Variants in GFRA2 observed in about 807,000 individuals in gnomAD.
GFRA2 encodes GDNF family receptor alpha-2.
A neutral mutation model predicts 48.3 loss-of-function variants in GFRA2; 17 were observed. The ratio of observed to expected loss-of-function variants is 0.35; its 90% CI spans 0.24 to 0.53. The LOEUF (loss-of-function observed/expected upper bound fraction) is 0.53, where lower values mean the gene tolerates loss of function less well. GFRA2 is among the 20% of genes least tolerant of loss of function. GFRA2 has a pLI of 0.93. For missense variants in GFRA2, 660 were observed against 637.3 expected, an observed-to-expected ratio of 1.04 and a Z score of -0.38; for synonymous variants, 305 against 257.2, an observed-to-expected ratio of 1.19 and a Z score of -1.78.
At chr8:21,796,971 C>T (rs1807688120) in intron 2 of GFRA2, among the ~76,000 whole-genome samples, 1 of 152,168 alleles carries the variant, frequency 6.6e-6, no homozygotes, top group South Asian at 2.1e-4. Context: ...ATCAGTATCT[C>T]TCACATGGGA....
At chr8:21,708,383 G>T (rs1313815561) in intron 4 of GFRA2, among the ~76,000 whole-genome samples, 1 of 152,190 alleles carries the variant, frequency 6.6e-6, no homozygotes, top group Non-Finnish European at 1.5e-5. Flanking sequence ...CTATGAGAGG[G>T]GAAGGTGGGA....
At chr8:21,761,647 T>C (rs1255139430) in intron 3 of GFRA2, among the ~76,000 whole-genome samples, 1 of 152,196 alleles carries the variant, frequency 6.6e-6, no homozygotes, top group African/African-American at 2.4e-5. Flanking sequence ...CAATAAATGC[T>C]TGTTTAAAAA....
chr8:21,805,505 T>C (rs1325776765), intron 1 of GFRA2, among the ~76,000 whole-genome samples: 2 of 152,196 alleles, frequency 1.3e-5, no homozygotes, highest in East Asian at 3.8e-4. Flanking sequence ...GGTAGAGTCA[T>C]GCAGAATAAG....
At chr8:21,808,616 G>A (rs1030284644) in intron 1 of GFRA2, among the ~76,000 whole-genome samples, 6 of 152,246 alleles carry the variant, frequency 3.9e-5, no homozygotes, top group Admixed American at 1.3e-4. Context: ...GGGATGCTCA[G>A]GGAGGTTTGG....
chr8:21,743,830 A>G (rs1051362051), intron 4 of GFRA2, among the ~76,000 whole-genome samples: 1 of 152,182 alleles, frequency 6.6e-6, no homozygotes. Flanking sequence ...TAGGGAGCCA[A>G]TCCAAGTTGG....
At chr8:21,769,740 T>C (rs34010508) in intron 3 of GFRA2, among the ~76,000 whole-genome samples, 81,593 of 151,726 alleles carry the variant, frequency 0.54, 25,654 homozygotes, top group African/African-American at 0.87. Context: ...ATGCCCTCAA[T>C]ACGTGGCAGT....
intron 4 of GFRA2, among the ~76,000 whole-genome samples, chr8:21,711,378 G>A (rs374936666): frequency 2.6e-5 from 4 of 152,298 alleles, no homozygotes; most frequent in African/African-American, 4.8e-5. Flanking sequence ...AAATGAAGAG[G>A]AGCCAAGTCC....
chr8:21,731,384 G>C (rs1804184541), intron 4 of GFRA2, among the ~76,000 whole-genome samples: 1 of 152,144 alleles, frequency 6.6e-6, no homozygotes, highest in Non-Finnish European at 1.5e-5. Flanking sequence ...GAGGAATCTT[G>C]GGAGGTCCAT....
intron 3 of GFRA2, among the ~76,000 whole-genome samples, chr8:21,771,850 G>A (rs1021024053): frequency 7.9e-5 from 12 of 152,144 alleles, no homozygotes; most frequent in African/African-American, 2.4e-4. Flanking sequence ...GAAGTGAAGG[G>A]GGCAGCACGC....
chr8:21,695,381 G>A (rs1044726033), intron 7 of GFRA2, among the ~76,000 whole-genome samples: 23 of 152,130 alleles, frequency 1.5e-4, no homozygotes, highest in African/African-American at 5.6e-4. Context: ...AAAAGCAACT[G>A]GGAAGCCCAA....
At position 21,692,671 on chromosome 8, in the gene GFRA2, T is replaced by C. The variant is rs1434055388; in HGVS notation, c.*607A>G. ...TACAGTCAGGGGGAGCCCAGCACGG[T>C]GCGAACCCCCTCCACCGCCATCCGT... On this transcript the variant is annotated 3_prime_UTR_variant, in exon 9 of 9. Transcript: ENST00000524240. The C allele has an allele frequency of 2.0e-5, 3 of 152,250 alleles. No individual in the cohort carries two copies. Among genetic ancestry groups the C allele is most frequent in the Non-Finnish European group, 4.4e-5 (3 of 68,164 alleles). The allele number at this position is 152,250 out of a possible 1,614,324, so 9.4% of individuals were successfully genotyped here.
At chr8:21,769,116 T>A in intron 3 of GFRA2, 4 of 945,684 alleles carry the variant, frequency 4.2e-6, no homozygotes, top group Non-Finnish European at 5.0e-6. Context: ...AATGAGTATC[T>A]ACCTGTTGCA....
At chr8:21,699,620 T>A (rs181605830) in intron 7 of GFRA2, among the ~76,000 whole-genome samples, 1 of 152,104 alleles carries the variant, frequency 6.6e-6, no homozygotes, top group Non-Finnish European at 1.5e-5. Context: ...ACTGCCCTGG[T>A]CCAGGCCCCA....
intron 2 of GFRA2, among the ~76,000 whole-genome samples, chr8:21,777,319 G>A (rs1490784395): frequency 2.0e-5 from 3 of 152,106 alleles, no homozygotes; most frequent in Non-Finnish European, 2.9e-5. Context: ...TGGTGCCCCG[G>A]GGTGGTGTGG....
intron 2 of GFRA2, among the ~76,000 whole-genome samples, chr8:21,775,581 C>G (rs1806651394): frequency 1.3e-5 from 2 of 152,164 alleles, no homozygotes; most frequent in Non-Finnish European, 2.9e-5. Flanking sequence ...CCACCAGCAC[C>G]CTTTCCCATC....
chr8:21,750,902 A>T lies in GFRA2; in HGVS notation c.480T>A (p.His160Gln). Residue 160 changes from histidine (H) to glutamine (Q), a missense_variant, in exon 4 of 9, where the codon CAT (histidine) becomes CAA (glutamine). His to Gln is a conservative substitution (Grantham distance 24). Coordinates refer to ENST00000524240, the MANE Select transcript of GFRA2 (RefSeq NM_001495.5). This position sits in a 1 kb window ranked among gnomAD's most constrained non-coding sequence, Gnocchi z 5.7. ...ADPVVSAKSN[H>Q]CLDAAKACNL... is the part of the protein sequence containing the mutation. ...TGCAGGCCTTGGCAGCATCCAGGCA[A>T]TGGTTGCTCTTGGCGCTGACCACCG... 6.2e-7 allele frequency: 1 copy of T among 1,613,310 alleles called. No homozygotes were observed. The highest frequency in any genetic ancestry group is 8.5e-7 in the Non-Finnish European group (1 of 1,179,698).
chr8:21,754,449 C>G (rs1049989897), intron 3 of GFRA2, among the ~76,000 whole-genome samples: 1 of 151,242 alleles, frequency 6.6e-6, no homozygotes, highest in Admixed American at 6.6e-5. Flanking sequence ...GGATGATCAA[C>G]GAAGACTAAG....
chr8:21,782,811 G>A lies in GFRA2; in HGVS notation c.129C>T (p.Ala43=). 1 of 1,577,688 alleles carries A rather than the reference G, an allele frequency of 6.3e-7. No individual in the cohort carries two copies. The highest frequency in any genetic ancestry group is 8.6e-7 in the Non-Finnish European group (1 of 1,167,382). The change falls in exon 2 of 9, where the codon GCC becomes GCT. Residue 43 remains alanine (A), a synonymous_variant. Transcript: ENST00000524240. ...GWRPPVDCVR[A]NELCAAESNC... ...TGGATTCGGCGGCACACAGCTCATTGGCCCGGACACAGTCCACTGGGGGGC... is the reference window on the plus strand; with the variant it reads ...TGGATTCGGCGGCACACAGCTCATTAGCCCGGACACAGTCCACTGGGGGGC...
chr8:21,787,617 G>A (rs1215959417), intron 1 of GFRA2, among the ~76,000 whole-genome samples: 3 of 152,152 alleles, frequency 2.0e-5, no homozygotes, highest in Non-Finnish European at 4.4e-5. Context: ...CGCTCCCCGC[G>A]CGATGTCCAA....
Sources: allele counts gnomAD v4.1 joint callset (sites outside exome capture counted in the v4.1 genomes callset), GRCh38; gene constraint gnomAD v4.1.1; non-coding constraint Gnocchi (gnomAD v3.1); transcripts MANE v1.5; gene names NCBI Gene and HGNC (gene_info 2026-07-23, HGNC 2026-07-21).